The following EYA1 variants were observed in gnomAD, a reference collection of about 807,000 sequenced individuals.
The protein encoded by EYA1 is protein phosphatase EYA1.
A neutral mutation model predicts 82.0 loss-of-function variants in EYA1; 16 were observed. The observed-to-expected ratio is 0.20, with a 90% CI of 0.13 to 0.30. EYA1 has a LOEUF of 0.30. EYA1 is among the 10% of genes least tolerant of loss of function. The pLI is 1.00. For missense variants in EYA1, 633 were observed against 730.7 expected (o/e 0.87, Z 1.54); for synonymous variants, 261 against 264.4 (o/e 0.99, Z 0.12).
At chr8:71,355,034 A>G (rs1826721532) in intron 2 of EYA1, 125 bp from the exon 3 acceptor site, 6 of 952,244 alleles carry the variant, frequency 6.3e-6, no homozygotes, top group Middle Eastern at 2.1e-4. Flanking sequence ...TATTTCTTAG[A>G]CTCAAAATAA....
chr8:71,362,894 G>T (rs1827520538), upstream of EYA1, among the ~76,000 whole-genome samples: 2 of 152,140 alleles, frequency 1.3e-5, no homozygotes, highest in South Asian at 4.1e-4. Flanking sequence ...ACATGACTTT[G>T]GTGATAAGAC....
At chr8:71,394,747 T>C (rs1829486771) in intron 2 of EYA1, among the ~76,000 whole-genome samples, 1 of 152,208 alleles carries the variant, frequency 6.6e-6, no homozygotes, top group Non-Finnish European at 1.5e-5. Flanking sequence ...TTTTGTTCTT[T>C]TGCTTTAGGA....
intron 2 of EYA1, among the ~76,000 whole-genome samples, chr8:71,488,196 T>G (rs1586816488): frequency 6.6e-6 from 1 of 151,878 alleles, no homozygotes; most frequent in East Asian, 1.9e-4. Context: ...AAATCAATGA[T>G]ATAAAGGATA....
intron 11 of EYA1, among the ~76,000 whole-genome samples, chr8:71,248,018 T>G (rs1042713259): frequency 6.6e-6 from 1 of 152,232 alleles, no homozygotes; most frequent in African/African-American, 2.4e-5. Flanking sequence ...ATTGAAAGAA[T>G]TACTCTATTG....
At chr8:71,373,474 G>A (rs1297789683) in intron 2 of EYA1, among the ~76,000 whole-genome samples, 1 of 152,050 alleles carries the variant, frequency 6.6e-6, no homozygotes, top group East Asian at 1.9e-4. Context: ...AAACATTGAT[G>A]AAAGAAATTA....
At chr8:71,408,999 A>G (rs928951159) in intron 2 of EYA1, among the ~76,000 whole-genome samples, 2 of 122,870 alleles carry the variant, frequency 1.6e-5, no homozygotes, top group Admixed American at 8.4e-5. Flanking sequence ...CAAATGTAAA[A>G]GAACAGAAAT....
At chr8:71,400,155 T>A (rs563223586) in intron 2 of EYA1, among the ~76,000 whole-genome samples, 1 of 152,260 alleles carries the variant, frequency 6.6e-6, no homozygotes, top group South Asian at 2.1e-4. Context: ...TCAAGATGAA[T>A]TAAAGACTTA....
chr8:71,321,665 A>G, intron 6 of EYA1, 69 bp downstream of exon 6: 1 of 1,562,362 alleles, frequency 6.4e-7, no homozygotes, highest in Admixed American at 1.8e-5. Context: ...GTCTTTAAGT[A>G]CCACTCAAAC....
intron 2 of EYA1, among the ~76,000 whole-genome samples, chr8:71,504,783 C>T (rs1812065265): frequency 6.6e-6 from 1 of 151,898 alleles, no homozygotes; most frequent in Non-Finnish European, 1.5e-5. Context: ...ATAATGACTG[C>T]TTTTTGCTGT....
At chr8:71,203,268 A>C (rs1486813614) in intron 17 of EYA1, among the ~76,000 whole-genome samples, 1 of 152,178 alleles carries the variant, frequency 6.6e-6, no homozygotes, top group Non-Finnish European at 1.5e-5. Context: ...TTTATTATCA[A>C]AACAAAGTCT....
chr8:71,379,417 T>C (rs1196714770), intron 2 of EYA1, among the ~76,000 whole-genome samples: 3 of 152,012 alleles, frequency 2.0e-5, no homozygotes, highest in Non-Finnish European at 2.9e-5. Flanking sequence ...TGAGCAAAGG[T>C]ACACTGGAGA....
intron 14 of EYA1, 145 bp from the exon 15 acceptor site, chr8:71,215,873 T>A: frequency 1.4e-6 from 1 of 708,034 alleles, no homozygotes; most frequent in Non-Finnish European, 2.6e-6. Flanking sequence ...TACCATTCAT[T>A]TGACAAGTAT....
At chr8:71,370,243 T>C (rs144230311) in intron 2 of EYA1, among the ~76,000 whole-genome samples, 90 of 151,982 alleles carry the variant, frequency 5.9e-4, no homozygotes, top group African/African-American at 2.1e-3. Context: ...AAATAGTTCA[T>C]TGTAGGTGTG....
chr8:71,388,415 A>G (rs770325105), intron 2 of EYA1, among the ~76,000 whole-genome samples: 5 of 152,202 alleles, frequency 3.3e-5, no homozygotes, highest in Admixed American at 6.5e-5. Context: ...CAAGGAGCAC[A>G]CAGTGCTCCT....
At chr8:71,219,966 CCAGA>C (rs1178716482) in intron 12 of EYA1, among the ~76,000 whole-genome samples, 2 of 152,006 alleles carry the variant, frequency 1.3e-5, no homozygotes, top group Non-Finnish European at 2.9e-5. Context: ...TGTTTAAAAC[CCAGA>C]CAATGAGATA....
chr8:71,277,660 T>A (rs2128962368), intron 9 of EYA1, among the ~76,000 whole-genome samples: 1 of 152,356 alleles, frequency 6.6e-6, no homozygotes, highest in South Asian at 2.1e-4. Context: ...GAAATTATTT[T>A]GAGCACATGT....
chr8:71,347,885 CAAAAA>C (rs5892271), intron 3 of EYA1, among the ~76,000 whole-genome samples: 1 of 80,842 alleles, frequency 1.2e-5, no homozygotes. Flanking sequence ...TGGAGGCATG[CAAAAA>C]AAAAAAAAAA....
intron 7 of EYA1, among the ~76,000 whole-genome samples, chr8:71,315,130 G>GT (rs545889804): frequency 6.6e-6 from 1 of 151,954 alleles, no homozygotes; most frequent in African/African-American, 2.4e-5. Context: ...TCCAGGATTG[G>GT]TTTTTTCCTC....
chr8:71,213,953 A>T (rs1297377436), intron 16 of EYA1, among the ~76,000 whole-genome samples: 1 of 152,170 alleles, frequency 6.6e-6, no homozygotes, highest in Admixed American at 6.5e-5. Context: ...AAGAGAGACA[A>T]ACCCAGTCCT....
Sources: gnomAD v4.1 joint callset for allele counts (sites outside exome capture counted in the v4.1 genomes callset) on GRCh38, gnomAD v4.1.1 for gene constraint, MANE v1.5 for transcripts, NCBI Gene and HGNC (gene_info 2026-07-23, HGNC 2026-07-21) for gene names.